PDE1A: variants seen among roughly 807,000 people sequenced by gnomAD.
PDE1A encodes the protein phosphodiesterase 1A.
Under a neutral mutation model 61.7 loss-of-function variants are expected in PDE1A, and 35 were observed. That is an observed-to-expected ratio of 0.57 (90% CI 0.43 to 0.75). PDE1A has a LOEUF of 0.75. Among genes scored for constraint, PDE1A ranks in the 30% least tolerant of loss-of-function variants. The pLI is 0.00. For missense variants in PDE1A, 597 were observed against 630.6 expected (o/e 0.95, Z 0.57); for synonymous variants, 232 against 213.2 (o/e 1.09, Z -0.77).
At chr2:182,184,162 G>A (rs1210003611) in intron 13 of PDE1A, among the ~76,000 whole-genome samples, 4 of 151,654 alleles carry the variant, frequency 2.6e-5, no homozygotes, top group African/African-American at 9.7e-5. Context: ...GAAAGAGGCA[G>A]AAGAAAAATA....
At chr2:182,366,196 G>C (rs1420051656) in intron 1 of PDE1A, among the ~76,000 whole-genome samples, 2 of 151,926 alleles carry the variant, frequency 1.3e-5, no homozygotes, top group Admixed American at 6.6e-5. Flanking sequence ...GACTTTTTTA[G>C]TCCTCTCAAG....
In PDE1A at chr2:182,386,686, C is replaced by T. The variant is rs569533303; in HGVS notation, c.53+39892G>A. Among the ~76,000 whole-genome samples the T allele has an allele frequency of 1.3e-3, 191 of 151,666 alleles. 1 individual carries two copies. Among genetic ancestry groups the T allele is most frequent in the African/African-American group, 4.3e-3 (177 of 41,370 alleles). ...CTGAGAAGTGAGGAGCCCCTCCGCCCGGCAGCTGCCCCGTCTGGGAAGTGA... is the reference window on the plus strand; with the variant it reads ...CTGAGAAGTGAGGAGCCCCTCCGCCTGGCAGCTGCCCCGTCTGGGAAGTGA... On this transcript the variant is annotated intron_variant, in intron 1 of 13. Transcript: ENST00000351439.
Position 182,451,095 on chromosome 2 carries a change from AGGGCCGGGCGCGGTGGC to A in PDE1A, c.101+71164_101+71180del, listed in dbSNP as rs1685483859. ...TCTTTTTATTAAAAATATTTTAACT[AGGGCCGGGCGCGGTGGC>A]TCACGCCTGTAATCCCAGCACTTTG... On this transcript the variant is annotated intron_variant, in intron 2 of 14. Coordinates refer to the PDE1A transcript ENST00000410103. Among the ~76,000 whole-genome samples, 16 of 89,492 alleles carry A rather than the reference AGGGCCGGGCGCGGTGGC, an allele frequency of 1.8e-4. 2 individuals are homozygous for A. Among genetic ancestry groups the A allele is most frequent in the East Asian group, 1.7e-3 (2 of 1,192 alleles). The allele number at this position is 89,492 out of a possible 152,430, so 58.7% of individuals were successfully genotyped here. A position where few individuals can be genotyped will look rare whatever the true frequency, so the allele number is the denominator to read the frequency against.
the PDE1A span, among the ~76,000 whole-genome samples, chr2:182,602,300 G>A: frequency 6.6e-6 from 1 of 152,212 alleles, no homozygotes; most frequent in African/African-American, 2.4e-5. Flanking sequence ...CTGGCTCCAT[G>A]GAGCATGAAG....
At chr2:182,629,548 C>T in the PDE1A span, among the ~76,000 whole-genome samples, 2 of 152,158 alleles carry the variant, frequency 1.3e-5, no homozygotes, top group African/African-American at 4.8e-5. Context: ...TATCAGCATC[C>T]TGCTTTTCTC....
intron 1 of PDE1A, among the ~76,000 whole-genome samples, chr2:182,377,831 C>G (rs1469869798): frequency 2.0e-5 from 3 of 151,738 alleles, no homozygotes; most frequent in Admixed American, 2.0e-4. Flanking sequence ...TGTGTTCATA[C>G]AGCAAAATGC....
At chr2:182,504,588 T>C (rs1689282466) in intron 2 of PDE1A, among the ~76,000 whole-genome samples, 1 of 152,236 alleles carries the variant, frequency 6.6e-6, no homozygotes, top group Non-Finnish European at 1.5e-5. Context: ...TTAAACTGGG[T>C]ATTATTTCGG....
chr2:182,701,342 T>G, the PDE1A span, among the ~76,000 whole-genome samples: 2 of 151,424 alleles, frequency 1.3e-5, no homozygotes, highest in Non-Finnish European at 1.5e-5. Context: ...GCTGACCTTC[T>G]GTTTTAGTAA....
chr2:182,166,908 A>G (rs1034813626), downstream of PDE1A, among the ~76,000 whole-genome samples: 1 of 152,304 alleles, frequency 6.6e-6, no homozygotes, highest in African/African-American at 2.4e-5. Context: ...AAGTAAACTG[A>G]TAACAGTAAA....
At chr2:182,200,985 TTTG>T (rs532378610) in intron 10 of PDE1A, among the ~76,000 whole-genome samples, 14 of 152,212 alleles carry the variant, frequency 9.2e-5, no homozygotes, top group East Asian at 5.8e-4. Flanking sequence ...ACATTAGATT[TTTG>T]TTGTTGTTGT....
chr2:182,496,663 T>C (rs1688733614), intron 2 of PDE1A, among the ~76,000 whole-genome samples: 1 of 152,258 alleles, frequency 6.6e-6, no homozygotes, highest in Non-Finnish European at 1.5e-5. Context: ...CTATTTTGGC[T>C]GACAAACAAG....
chr2:182,458,653 T>C (rs1686078461), intron 2 of PDE1A, among the ~76,000 whole-genome samples: 1 of 152,106 alleles, frequency 6.6e-6, no homozygotes, highest in Non-Finnish European at 1.5e-5. Flanking sequence ...GACTCAAGAC[T>C]AAGTCCCAGC....
chr2:182,713,786 C>G, the PDE1A span, among the ~76,000 whole-genome samples: 1 of 152,158 alleles, frequency 6.6e-6, no homozygotes, highest in Non-Finnish European at 1.5e-5. Context: ...AAAGCATTTC[C>G]TCTTTGGAAT....
At chr2:182,172,187 G>A (rs1374278080) in intron 13 of PDE1A, among the ~76,000 whole-genome samples, 4 of 151,828 alleles carry the variant, frequency 2.6e-5, no homozygotes, top group Non-Finnish European at 5.9e-5. Context: ...TCATTTATGT[G>A]GACTCACCAT....
chr2:182,503,815 T>A (rs541822872), intron 2 of PDE1A, among the ~76,000 whole-genome samples: 24 of 152,284 alleles, frequency 1.6e-4, no homozygotes, highest in African/African-American at 5.5e-4. Context: ...AATATACACT[T>A]CAGGAAGGTA....
chr2:182,470,438 C>A (rs541818571), intron 2 of PDE1A, among the ~76,000 whole-genome samples: 5 of 151,980 alleles, frequency 3.3e-5, no homozygotes, highest in South Asian at 4.1e-4. Context: ...AGCAGCTATT[C>A]TCTAGCAAAA....
intron 7 of PDE1A, among the ~76,000 whole-genome samples, chr2:182,208,433 T>A (rs1015765374): frequency 6.6e-6 from 1 of 152,154 alleles, no homozygotes; most frequent in African/African-American, 2.4e-5. Context: ...GAGAACAGCA[T>A]GGGAGAAGCT....
At chr2:182,378,146 C>A (rs1354199555) in intron 1 of PDE1A, among the ~76,000 whole-genome samples, 2 of 152,238 alleles carry the variant, frequency 1.3e-5, no homozygotes, top group East Asian at 3.9e-4. Context: ...GTGCCCGGCC[C>A]AGACATTTTT....
the PDE1A span, among the ~76,000 whole-genome samples, chr2:182,555,500 T>TA: frequency 6.6e-6 from 1 of 152,166 alleles, no homozygotes; most frequent in African/African-American, 2.4e-5. Flanking sequence ...TATAGTGCAG[T>TA]GAAAAACGTC....
Sources: allele counts gnomAD v4.1 joint callset (sites outside exome capture counted in the v4.1 genomes callset), GRCh38; gene constraint gnomAD v4.1.1; transcripts MANE v1.5; gene names NCBI Gene and HGNC (gene_info 2026-07-23, HGNC 2026-07-21).